Variants in GAS7 observed in about 807,000 individuals in gnomAD.
GAS7 encodes growth arrest specific 7.
In GAS7, 28 loss-of-function variants were observed where a neutral mutation model predicts 71.1. The ratio of observed to expected loss-of-function variants is 0.39; its 90% CI spans 0.29 to 0.54. GAS7 has a LOEUF of 0.54. Ranked by LOEUF, GAS7 falls within the 20% of genes least tolerant of loss-of-function variation. GAS7 has a pLI of 0.62. For synonymous variants in GAS7, 258 were observed against 245.8 expected (o/e 1.05, Z -0.46); for missense variants, 436 against 627.8 (o/e 0.69, Z 3.27).
At chr17:10,015,833 T>G (rs2071973902) in intron 2 of GAS7, among the ~76,000 whole-genome samples, 2 of 152,034 alleles carry the variant, frequency 1.3e-5, no homozygotes, top group Admixed American at 1.3e-4. Flanking sequence ...GCAGCTTCCT[T>G]CTCCAGGAAG....
intron 1 of GAS7, among the ~76,000 whole-genome samples, chr17:10,167,236 T>C (rs1018862686): frequency 3.3e-5 from 5 of 151,752 alleles, no homozygotes; most frequent in Non-Finnish European, 7.4e-5. Flanking sequence ...TTTGTGTTTT[T>C]AGTAGAGACA....
At chr17:10,102,096 T>C (rs1389183045) in intron 1 of GAS7, among the ~76,000 whole-genome samples, 6 of 149,460 alleles carry the variant, frequency 4.0e-5, no homozygotes, top group African/African-American at 1.2e-4. Context: ...ATTATATTAA[T>C]ACATTTTTTT....
chr17:10,022,241 G>A (rs1473707420), intron 1 of GAS7, among the ~76,000 whole-genome samples: 7 of 152,148 alleles, frequency 4.6e-5, no homozygotes, highest in Non-Finnish European at 7.4e-5. Context: ...GTGACAGAGT[G>A]AGACCCTGTC....
intron 1 of GAS7, among the ~76,000 whole-genome samples, chr17:10,102,325 A>T (rs2073710655): frequency 6.6e-6 from 1 of 151,948 alleles, no homozygotes; most frequent in Non-Finnish European, 1.5e-5. Flanking sequence ...AATTCAGCTG[A>T]AATTAAGGGT....
intron 1 of GAS7, among the ~76,000 whole-genome samples, chr17:10,049,246 T>G (rs938026917): frequency 1.3e-5 from 2 of 152,250 alleles, no homozygotes; most frequent in Non-Finnish European, 2.9e-5. Context: ...ATTTTCTGCA[T>G]GTTAAAAACT....
In GAS7 at chr17:9,914,132, GT is replaced by G. The variant is rs1341609607; in HGVS notation, c.*3095del. ...CGGGCCCCTGTTCATACGGATAGGGGTTCTGGACTGTTGACTCTAGCCCTGG... is the reference window on the plus strand; with the variant it reads ...CGGGCCCCTGTTCATACGGATAGGGGTCTGGACTGTTGACTCTAGCCCTGG... On this transcript the variant is annotated 3_prime_UTR_variant, in exon 14 of 14. Transcript: ENST00000432992. 5 of 225,946 alleles carry G rather than the reference GT, an allele frequency of 2.2e-5. No individual in the cohort carries two copies. Among genetic ancestry groups the G allele is most frequent in the Non-Finnish European group, 4.4e-5 (5 of 113,540 alleles). The allele number at this position is 225,946 out of a possible 1,614,324, so 14.0% of individuals were successfully genotyped here. A position where few individuals can be genotyped will look rare whatever the true frequency, so the allele number is the denominator to read the frequency against.
chr17:10,020,112 A>G (rs2072206307), intron 1 of GAS7: 1 of 527,420 alleles, frequency 1.9e-6, no homozygotes, highest in Non-Finnish European at 3.4e-6. Context: ...GAGCCCCTGC[A>G]CAGAGGACAG....
intron 3 of GAS7, among the ~76,000 whole-genome samples, chr17:9,977,959 C>A (rs905485892): frequency 2.6e-5 from 4 of 152,136 alleles, no homozygotes; most frequent in Non-Finnish European, 4.4e-5. Context: ...ATGCCTGTAA[C>A]CCCAGCACTT....
Position 10,198,336 on chromosome 17 carries a change from G to C in GAS7, c.55C>G (p.Gln19Glu), listed in dbSNP as rs897300611. 6 of 1,599,820 alleles carry C rather than the reference G, an allele frequency of 3.8e-6. No homozygotes were observed. The highest frequency in any genetic ancestry group is 1.7e-4 in the Middle Eastern group (1 of 6,046). The change falls in exon 1 of 14, where the codon CAG (glutamine) becomes GAG (glutamate). Residue 19 changes from glutamine (Q) to glutamate (E), a missense_variant. Physicochemically the swap from Gln to Glu is conservative, Grantham distance 29. Transcript: ENST00000432992. ...LYPFSGERHGQGLRFAAGELI... is the reference protein window; with the variant it reads ...LYPFSGERHGEGLRFAAGELI... Reference sequence around the variant, plus strand: ...TCGCCCGCGGCGAAGCGCAGCCCCTGGCCGTGCCGCTCCCCGGAGAAGGGG... The same window carrying C: ...TCGCCCGCGGCGAAGCGCAGCCCCTCGCCGTGCCGCTCCCCGGAGAAGGGG...
chr17:10,088,125 G>A (rs1170231162), intron 1 of GAS7, among the ~76,000 whole-genome samples: 2 of 151,858 alleles, frequency 1.3e-5, no homozygotes, highest in Non-Finnish European at 2.9e-5. Flanking sequence ...GGAGGCTGAG[G>A]AAGGAGAGTC....
chr17:10,126,546 G>A (rs7405971), intron 1 of GAS7, among the ~76,000 whole-genome samples: 53,525 of 151,614 alleles, frequency 0.35, 10,330 homozygotes, highest in East Asian at 0.57. Flanking sequence ...CACAAAGAGC[G>A]CACACACGCA....
At chr17:9,950,117 G>A (rs1246397277) in intron 5 of GAS7, among the ~76,000 whole-genome samples, 1 of 151,930 alleles carries the variant, frequency 6.6e-6, no homozygotes, top group Non-Finnish European at 1.5e-5. Flanking sequence ...ACCCTCCTCG[G>A]CCTCCCAAAG....
chr17:9,959,132 C>T lies in GAS7; in HGVS notation c.525+70G>A, dbSNP rs2069371538. ...ACTTCTGCTTGGCGGTCCACATCGCCATGGCAACAGCCCAGCCAAATGCCC... is the reference window on the plus strand; with the variant it reads ...ACTTCTGCTTGGCGGTCCACATCGCTATGGCAACAGCCCAGCCAAATGCCC... On this transcript the variant is annotated intron_variant, in intron 5 of 13. Transcript: ENST00000432992. The surrounding 1 kb of genome is among the most constrained non-coding windows in gnomAD (Gnocchi z 5.0). 3 of 1,544,078 alleles carry T rather than the reference C, an allele frequency of 1.9e-6. No homozygotes were observed. The highest frequency in any genetic ancestry group is 4.6e-5 in the East Asian group (2 of 43,664).
intron 1 of GAS7, among the ~76,000 whole-genome samples, chr17:10,104,493 T>C (rs2073738630): frequency 6.6e-6 from 1 of 152,194 alleles, no homozygotes; most frequent in Non-Finnish European, 1.5e-5. Context: ...CCAATGACTC[T>C]AAATTAATAT....
At chr17:10,121,032 C>T (rs1213952278) in intron 1 of GAS7, among the ~76,000 whole-genome samples, 1 of 152,248 alleles carries the variant, frequency 6.6e-6, no homozygotes, top group African/African-American at 2.4e-5. Context: ...TCCATCTCCT[C>T]TCTACGGGCT....
chr17:10,064,389 G>A (rs976347675), intron 1 of GAS7, among the ~76,000 whole-genome samples: 7 of 152,168 alleles, frequency 4.6e-5, no homozygotes, highest in Non-Finnish European at 7.3e-5. Flanking sequence ...CAGGCCATAC[G>A]TACCCCGGCT....
At chr17:10,115,030 T>A (rs1402800306) in intron 1 of GAS7, among the ~76,000 whole-genome samples, 1 of 152,180 alleles carries the variant, frequency 6.6e-6, no homozygotes, top group Non-Finnish European at 1.5e-5. Flanking sequence ...TGTCTGTCTG[T>A]CTGTCTGGCT....
chr17:10,069,932 C>A (rs1471551881), intron 1 of GAS7, among the ~76,000 whole-genome samples: 1 of 152,200 alleles, frequency 6.6e-6, no homozygotes, highest in Non-Finnish European at 1.5e-5. Flanking sequence ...CCTGCTGAGG[C>A]CTGCCCTCAC....
chr17:9,915,782 TC>T lies in GAS7; in HGVS notation c.*1445del, dbSNP rs141645258. On this transcript the variant is annotated 3_prime_UTR_variant, in exon 14 of 14. Transcript: ENST00000432992. ...AAAGATGGATTTCCAGGGCATGGGC[TC>T]CCGACTAGAATCTGCCCCTCGCTCA... The T allele has an allele frequency of 3.7e-3, 853 of 231,346 alleles. 7 individuals carry two copies. Among genetic ancestry groups the T allele is most frequent in the African/African-American group, 0.018 (806 of 45,302 alleles). 14.3% of individuals were successfully genotyped at this position (231,346 alleles called of 1,614,324 possible).
Sources: gnomAD v4.1 joint callset for allele counts (sites outside exome capture counted in the v4.1 genomes callset) on GRCh38, gnomAD v4.1.1 for gene constraint, Gnocchi (gnomAD v3.1) non-coding constraint, MANE v1.5 for transcripts, NCBI Gene and HGNC (gene_info 2026-07-23, HGNC 2026-07-21) for gene names.